Variants in RSPH14 observed in about 807,000 individuals in gnomAD.
RSPH14 encodes radial spoke head 14 homolog.
Under a neutral mutation model 26.7 loss-of-function variants are expected in RSPH14, and 20 were observed. The observed-to-expected ratio is 0.75, with a 90% confidence interval of 0.53 to 1.09. RSPH14 has a LOEUF of 1.09. Ranked by LOEUF, RSPH14 falls within the 50% of genes least tolerant of loss-of-function variation. The pLI is 0.00. For synonymous variants in RSPH14, 177 were observed against 189.3 expected, an observed-to-expected ratio of 0.93 and a Z score of 0.53; for missense variants, 449 against 457.2, an observed-to-expected ratio of 0.98 and a Z score of 0.16.
intron 4 of RSPH14, among the ~76,000 whole-genome samples, chr22:23,072,406 C>G (rs2068402486): frequency 1.3e-5 from 2 of 152,190 alleles, no homozygotes; most frequent in Non-Finnish European, 2.9e-5. Flanking sequence ...TAAAAGTCTT[C>G]CTGTGTGTTC....
intron 4 of RSPH14, among the ~76,000 whole-genome samples, chr22:23,108,461 A>G (rs905378715): frequency 2.0e-5 from 3 of 152,250 alleles, no homozygotes; most frequent in Non-Finnish European, 4.4e-5. Flanking sequence ...CCTCGAGGTG[A>G]CAGAGACGGA....
chr22:23,118,264 G>A (rs1323488341), intron 4 of RSPH14, among the ~76,000 whole-genome samples: 1 of 152,228 alleles, frequency 6.6e-6, no homozygotes, highest in Non-Finnish European at 1.5e-5. Context: ...CCGACGCCAA[G>A]CAGTGAGATT....
the RSPH14 span, chr22:23,157,928 T>C: frequency 6.2e-7 from 1 of 1,608,762 alleles, no homozygotes; most frequent in Non-Finnish European, 8.5e-7. Flanking sequence ...GGGCACCTCC[T>C]GGGGAGCCCC....
At chr22:23,175,397 G>A in the RSPH14 span, among the ~76,000 whole-genome samples, 1 of 152,208 alleles carries the variant, frequency 6.6e-6, no homozygotes, top group East Asian at 1.9e-4. Context: ...AGGCTGGAGT[G>A]CAGTGGCGTA....
At chr22:23,150,012 C>A, upstream of RSPH14, 1 of 1,438,604 alleles carries the variant, frequency 7.0e-7, no homozygotes, top group Non-Finnish European at 9.6e-7. Context: ...GCTACGAGGG[C>A]GGAGCCACAG....
the RSPH14 span, chr22:23,158,043 G>A: frequency 6.2e-7 from 1 of 1,614,136 alleles, no homozygotes; most frequent in Non-Finnish European, 8.5e-7. Context: ...GAGCATACCA[G>A]GTAAGTCTGG....
At chr22:23,129,808 T>A (rs529039972) in intron 4 of RSPH14, among the ~76,000 whole-genome samples, 1 of 150,574 alleles carries the variant, frequency 6.6e-6, no homozygotes, top group African/African-American at 2.4e-5. Context: ...TAGTCCCAGC[T>A]ACTCGGGAGG....
chr22:23,158,783 CCTT>C, the RSPH14 span: 3 of 912,812 alleles, frequency 3.3e-6, no homozygotes, highest in Admixed American at 2.0e-5. Context: ...AGGAAGCCCT[CCTT>C]GTCCCTCCCA....
chr22:23,102,119 G>A (rs761684401), intron 4 of RSPH14, among the ~76,000 whole-genome samples: 5 of 152,208 alleles, frequency 3.3e-5, no homozygotes, highest in African/African-American at 4.8e-5. Context: ...CCGGCTCCCC[G>A]CATCCAAGTT....
chr22:23,141,071 T>G (rs2070591176), intron 1 of RSPH14, among the ~76,000 whole-genome samples: 2 of 152,318 alleles, frequency 1.3e-5, no homozygotes, highest in African/African-American at 4.8e-5. Context: ...GGCTCACGCC[T>G]GTAATCCCAG....
At chr22:23,106,240 A>G (rs1479850143) in intron 4 of RSPH14, among the ~76,000 whole-genome samples, 3 of 152,246 alleles carry the variant, frequency 2.0e-5, no homozygotes, top group African/African-American at 4.8e-5. Context: ...TGGTGAGAGC[A>G]AAAAAGCAAA....
chr22:23,112,535 C>T (rs2283802), intron 4 of RSPH14, among the ~76,000 whole-genome samples: 35,407 of 151,950 alleles, frequency 0.23, 4,561 homozygotes, highest in East Asian at 0.34. Context: ...GGCAGGAGGG[C>T]GAGATGGACA....
At chr22:23,107,183 G>T (rs1471136556) in intron 4 of RSPH14, among the ~76,000 whole-genome samples, 2 of 152,212 alleles carry the variant, frequency 1.3e-5, no homozygotes, top group Non-Finnish European at 2.9e-5. Flanking sequence ...TTGTCACCAG[G>T]CATAGTTGCA....
At chr22:23,097,049 G>A (rs921313038) in intron 4 of RSPH14, among the ~76,000 whole-genome samples, 1 of 152,212 alleles carries the variant, frequency 6.6e-6, no homozygotes, top group African/African-American at 2.4e-5. Flanking sequence ...CACACGAAGG[G>A]GGCCACAGCC....
chr22:23,157,006 G>A, the RSPH14 span, among the ~76,000 whole-genome samples: 2 of 152,246 alleles, frequency 1.3e-5, no homozygotes, highest in Admixed American at 6.5e-5. Flanking sequence ...GCCCCTGTCC[G>A]GCCCTGGTCA....
chr22:23,144,461 G>A (rs184052058), upstream of RSPH14, among the ~76,000 whole-genome samples: 8 of 152,248 alleles, frequency 5.3e-5, no homozygotes, highest in Admixed American at 3.3e-4. Flanking sequence ...AGATAGTTGC[G>A]TTTATTTTAT....
chr22:23,061,774 G>A (rs2146206793), intron 6 of RSPH14, 35 bp downstream of exon 6: 8 of 1,612,498 alleles, frequency 5.0e-6, no homozygotes, highest in Non-Finnish European at 6.8e-6. Context: ...AGCCTGCTAG[G>A]GTCTCCCTCC....
the RSPH14 span, among the ~76,000 whole-genome samples, chr22:23,165,721 T>G: frequency 2.0e-5 from 3 of 152,240 alleles, no homozygotes; most frequent in African/African-American, 7.2e-5. Flanking sequence ...GCCACTAGGA[T>G]GACTCTCCCA....
intron 4 of RSPH14, among the ~76,000 whole-genome samples, chr22:23,130,089 AAGAAAGAAAGAAAG>A (rs1370608123): frequency 0.016 from 310 of 19,128 alleles, 2 homozygotes; most frequent in African/African-American, 0.032. Flanking sequence ...GAAAGGAAGA[AAGAAAGAAAGAAAG>A]AAAGAAAGAA....
Sources: allele counts gnomAD v4.1 joint callset (sites outside exome capture counted in the v4.1 genomes callset), GRCh38; gene constraint gnomAD v4.1.1; transcripts MANE v1.5; gene names NCBI Gene and HGNC (gene_info 2026-07-23, HGNC 2026-07-21).